Variants in ART5 observed in about 807,000 individuals in gnomAD.
ART5 encodes the protein ADP-ribosyltransferase 5, also known as ecto-ADP-ribosyltransferase 5.
A neutral mutation model predicts 25.0 loss-of-function variants in ART5; 22 were observed. The observed-to-expected ratio is 0.88, with a 90% CI of 0.63 to 1.26. The LOEUF is 1.26. Ranked by LOEUF, ART5 falls within the 50% of genes most tolerant of loss-of-function variation. The pLI, the probability that ART5 is intolerant of heterozygous loss-of-function variation, is 0.00. For synonymous variants in ART5, 161 were observed against 154.8 expected (o/e 1.04, Z -0.30); for missense variants, 402 against 372.8 (o/e 1.08, Z -0.64).
At chr11:3,642,333 C>G (rs948469693), upstream of ART5, 12 of 987,182 alleles carry the variant, frequency 1.2e-5, no homozygotes, top group South Asian at 4.6e-5. Context: ...TTCCCAGCGC[C>G]GCACGCGGGG....
In ART5 at chr11:3,640,225, C is replaced by T; in HGVS notation, c.204G>A (p.Trp68Ter). ...MAHHALLRES[W>*]EAAQETWEDK... ...CCTCCCAGGTCTCCTGGGCTGCCTC[C>T]CAGGATTCCCGCAGCAGGGCATGGT... The change falls in exon 2 of 4, where the codon TGG becomes TGA. Residue 68 changes from tryptophan (W) to a stop codon, truncating the protein, a stop_gained. Transcript: ENST00000397068. LOFTEE classifies it high-confidence loss of function. 6.2e-7 allele frequency: 1 copy of T among 1,613,836 alleles called. No individual in the cohort carries two copies. Among genetic ancestry groups the T allele is most frequent in the Non-Finnish European group, 8.5e-7 (1 of 1,180,014 alleles).
Position 3,639,921 on chromosome 11 carries a change from T to C in ART5, c.508A>G (p.Lys170Glu), listed in dbSNP as rs2077367506. 1 of 1,614,024 alleles carries C rather than the reference T, an allele frequency of 6.2e-7. No homozygotes were observed. The highest frequency in any genetic ancestry group is 2.2e-5 in the East Asian group (1 of 44,878). Reference protein sequence around the residue: ...RGVGSLRFEPKRLGDSVRLGQ... With the variant: ...RGVGSLRFEPERLGDSVRLGQ... ...AAGCGGACAGAGTCTCCCAGCCTCTTGGGTTCAAAGCGAAGGCTGCCCACA... is the reference window on the plus strand; with the variant it reads ...AAGCGGACAGAGTCTCCCAGCCTCTCGGGTTCAAAGCGAAGGCTGCCCACA... The change falls in exon 2 of 4, where the codon AAG becomes GAG. Residue 170 changes from lysine to glutamate, a missense_variant. Physicochemically the swap from Lys to Glu is moderately conservative, Grantham distance 56. Coordinates refer to ENST00000397068, the MANE Select transcript of ART5 (RefSeq NM_053017.5).
intron 1 of ART5, among the ~76,000 whole-genome samples, chr11:3,641,421 C>A (rs1387277755): frequency 2.0e-5 from 3 of 152,204 alleles, no homozygotes; most frequent in Non-Finnish European, 4.4e-5. Flanking sequence ...AGCTCTGAGA[C>A]GCCTGAGTCC....
upstream of ART5, chr11:3,642,307 G>A: frequency 9.9e-7 from 1 of 1,009,756 alleles, no homozygotes; most frequent in Non-Finnish European, 1.2e-6. Flanking sequence ...CCCCGCGCTG[G>A]TAACCCGACA....
At chr11:3,641,403 T>C (rs991093254) in intron 1 of ART5, among the ~76,000 whole-genome samples, 3 of 152,160 alleles carry the variant, frequency 2.0e-5, no homozygotes, top group Non-Finnish European at 4.4e-5. Context: ...CCACACCAAA[T>C]CACTGTGAGC....
rs559056024 is a variant in ART5, at chr11:3,641,957, C to T, written c.-95G>A. 1.9e-4 allele frequency: 286 copies of T among 1,510,386 alleles called. 3 individuals are homozygous for T. In the African/African-American group the frequency reaches 3.6e-3, roughly 19 times the overall value. 93.6% of individuals were successfully genotyped at this position (1,510,386 alleles called of 1,614,324 possible). Reference sequence around the variant, plus strand: ...GAGGGGCTGGAGGCAGATCTGGACCCTGTCTCCAGGCGCACGGGATCCCGG... The same window carrying T: ...GAGGGGCTGGAGGCAGATCTGGACCTTGTCTCCAGGCGCACGGGATCCCGG... On this transcript the variant is annotated 5_prime_UTR_variant, in exon 1 of 4. Transcript: ENST00000397068.
At chr11:3,641,245 A>T (rs908161) in intron 1 of ART5, among the ~76,000 whole-genome samples, 4 of 152,170 alleles carry the variant, frequency 2.6e-5, no homozygotes, top group Admixed American at 2.6e-4. Context: ...ACTATCAAGC[A>T]CTTTTCCGGC....
upstream of ART5, chr11:3,642,330 C>A (rs1351553424): frequency 1.0e-6 from 1 of 993,484 alleles, no homozygotes; most frequent in Non-Finnish European, 1.2e-6. Context: ...CCTTTCCCAG[C>A]GCCGCACGCG....
Position 3,640,044 on chromosome 11 carries a change from G to T in ART5, c.385C>A (p.Pro129Thr). The T allele has an allele frequency of 1.2e-6, 2 of 1,614,180 alleles. No homozygotes were observed. The highest frequency in any genetic ancestry group is 1.7e-6 in the Non-Finnish European group (2 of 1,180,034). Residue 129 changes from proline to threonine, a missense_variant, in exon 2 of 4, where the codon CCC becomes ACC. Transcript: ENST00000397068. The stretch of plus-strand genomic sequence containing the variant: ...AGGTAGAAATGCAGGGCCTTGAAGG[G>T]AAAGTGCCTCATGTAGAGCTCCCGG... ...GSRELYMRHFPFKALHFYLIR... is the reference protein window; with the variant it reads ...GSRELYMRHFTFKALHFYLIR...
upstream of ART5, chr11:3,642,059 C>T (rs964901460): frequency 2.1e-5 from 30 of 1,426,482 alleles, no homozygotes; most frequent in Non-Finnish European, 2.6e-5. Context: ...AAGTCTCCGC[C>T]CCCGACTCCC....
In ART5 at chr11:3,639,632, C is replaced by T. The variant is rs201775531; in HGVS notation, c.787+10G>A. On this transcript the variant is annotated intron_variant, in intron 2 of 3. Coordinates refer to ENST00000397068, the MANE Select transcript of ART5 (RefSeq NM_053017.5). ...CACTGCCAGTCCTGCTTCCCCCATGCACAGCTTACCACCCAGATAGGCGCA... is the reference window on the plus strand; with the variant it reads ...CACTGCCAGTCCTGCTTCCCCCATGTACAGCTTACCACCCAGATAGGCGCA... 27 of 1,603,422 alleles carry T rather than the reference C, an allele frequency of 1.7e-5. No individual in the cohort carries two copies. The highest frequency in any genetic ancestry group is 2.3e-5 in the Non-Finnish European group (27 of 1,175,162).
rs751022774 is a variant in ART5, at chr11:3,641,972, C to T, written c.-110G>A. The T allele has an allele frequency of 2.7e-6, 4 of 1,482,946 alleles. No homozygotes were observed. The highest frequency in any genetic ancestry group is 4.3e-5 in the Admixed American group (2 of 46,878). 91.9% of individuals were successfully genotyped at this position (1,482,946 alleles called of 1,614,324 possible). On this transcript the variant is annotated 5_prime_UTR_variant, in exon 1 of 4. In the 5' UTR this introduces an upstream ATG that the reference lacks. Transcript: ENST00000397068. ...GATCTGGACCCTGTCTCCAGGCGCA[C>T]GGGATCCCGGGTCCAGGATTAGGGC...
In ART5 at chr11:3,639,911, C is replaced by T; in HGVS notation, c.518G>A (p.Gly173Glu). The change falls in exon 2 of 4, where the codon GGA (glycine) becomes GAA (glutamate). Residue 173 changes from glycine to glutamate, a missense_variant. Coordinates refer to ENST00000397068, the MANE Select transcript of ART5 (RefSeq NM_053017.5). Reference protein sequence around the residue: ...GSLRFEPKRLGDSVRLGQFAS... With the variant: ...GSLRFEPKRLEDSVRLGQFAS... ...AAACTGGCCCAAGCGGACAGAGTCT[C>T]CCAGCCTCTTGGGTTCAAAGCGAAG... 1.2e-6 allele frequency: 2 copies of T among 1,614,110 alleles called. No individual in the cohort carries two copies. The highest frequency in any genetic ancestry group is 1.7e-6 in the Non-Finnish European group (2 of 1,179,988).
intron 1 of ART5, among the ~76,000 whole-genome samples, 196 bp from the exon 2 acceptor site, chr11:3,640,567 CTTTTTTTTTT>C (rs33933264): frequency 5.5e-5 from 7 of 126,920 alleles, no homozygotes; most frequent in African/African-American, 2.1e-4. Flanking sequence ...GGACTGAAAT[CTTTTTTTTTT>C]TTTTTTTTTT....
rs1424221473 is a variant in ART5, at chr11:3,639,020, C to T, written c.803G>A (p.Gly268Asp). The T allele has an allele frequency of 6.4e-7, 1 of 1,553,098 alleles. No individual in the cohort carries two copies. Among genetic ancestry groups the T allele is most frequent in the Non-Finnish European group, 8.7e-7 (1 of 1,148,296 alleles). Residue 268 changes from glycine (G) to aspartate (D), a missense_variant, in exon 3 of 4, where the codon GGC becomes GAC. Physicochemically the swap from Gly to Asp is moderately conservative, Grantham distance 94. Coordinates refer to ENST00000397068, the MANE Select transcript of ART5 (RefSeq NM_053017.5). ...CAYLGGEKRR[G>D]CVSAPGALGT... is the part of the protein sequence containing the mutation. Reference sequence around the variant, plus strand: ...CAACTCACCTGGCGCAGACACACAGCCCCGCCTCTTCTCCCCTGCAACAGA... The same window carrying T: ...CAACTCACCTGGCGCAGACACACAGTCCCGCCTCTTCTCCCCTGCAACAGA...
At position 3,639,823 on chromosome 11, in the gene ART5, T is replaced by C. The variant is rs937888264; in HGVS notation, c.606A>G (p.Leu202=). Residue 202 remains leucine, a synonymous_variant, in exon 2 of 4, where the codon CTA becomes CTG. Transcript: ENST00000397068. Reference sequence around the variant, plus strand: ...GTATAGGGGCCCCAAAGCAAGTTGTTAGAGAGAAGAGGGTGGCATTACCAA... The same window carrying C: ...GTATAGGGGCCCCAAAGCAAGTTGTCAGAGAGAAGAGGGTGGCATTACCAA... The part of the protein sequence containing the change: ...HRFGNATLFS[L]TTCFGAPIQA... The C allele has an allele frequency of 9.4e-5, 152 of 1,614,042 alleles. No individual in the cohort carries two copies. The highest frequency in any genetic ancestry group is 1.1e-4 in the Non-Finnish European group (127 of 1,180,036).
At chr11:3,642,068 C>T, upstream of ART5, 2 of 1,419,690 alleles carry the variant, frequency 1.4e-6, no homozygotes, top group Middle Eastern at 2.6e-4. Context: ...CCCCCGACTC[C>T]CCACACCCCT....
upstream of ART5, chr11:3,642,235 C>A (rs981379790): frequency 8.8e-7 from 1 of 1,136,704 alleles, no homozygotes; most frequent in Admixed American, 4.3e-5. Flanking sequence ...GCGGGCGCTG[C>A]GCTGTCCCCG....
In ART5 at chr11:3,639,896, A is replaced by G. The variant is rs2077366433; in HGVS notation, c.533T>C (p.Leu178Ser). ...EPKRLGDSVR[L>S]GQFASSSLDK... ...CAGGGAGCTGGAGGCAAACTGGCCC[A>G]AGCGGACAGAGTCTCCCAGCCTCTT... The change falls in exon 2 of 4, where the codon TTG becomes TCG. Residue 178 changes from leucine (L) to serine (S), a missense_variant. Coordinates refer to ENST00000397068, the MANE Select transcript of ART5 (RefSeq NM_053017.5). The G allele has an allele frequency of 6.2e-7, 1 of 1,614,198 alleles. No individual in the cohort carries two copies. Among genetic ancestry groups the G allele is most frequent in the African/African-American group, 1.3e-5 (1 of 75,076 alleles).
Sources: gnomAD v4.1 joint callset for allele counts (sites outside exome capture counted in the v4.1 genomes callset) on GRCh38, gnomAD v4.1.1 for gene constraint, MANE v1.5 for transcripts, NCBI Gene and HGNC (gene_info 2026-07-23, HGNC 2026-07-21) for gene names.